Variants in ATP8A2 observed in about 807,000 individuals in gnomAD.
The protein encoded by ATP8A2 is ATPase phospholipid transporting 8A2, also known as phospholipid-transporting ATPase IB.
ATP8A2 carries 100 observed loss-of-function variants against 165.6 expected under a neutral mutation model. The ratio of observed to expected loss-of-function variants is 0.60; its 90% confidence interval spans 0.51 to 0.71. The LOEUF (loss-of-function observed/expected upper bound fraction) is 0.71, where lower values mean the gene tolerates loss of function less well. Among genes scored for constraint, ATP8A2 ranks in the 30% least tolerant of loss-of-function variants. The pLI, the probability that ATP8A2 is intolerant of heterozygous loss-of-function variation, is 0.00. For missense variants in ATP8A2, 1,227 were observed against 1,479.5 expected, an observed-to-expected ratio of 0.83 and a Z score of 2.80; for synonymous variants, 543 against 548.8, an observed-to-expected ratio of 0.99 and a Z score of 0.15.
rs757647745 is a variant in ATP8A2, at chr13:25,860,249, T to C, written c.3011T>C (p.Val1004Ala). The change falls in exon 31 of 37, where the codon GTT (valine) becomes GCT (alanine). Residue 1004 changes from valine (V) to alanine (A), a missense_variant. Around this residue, in one of 5 missense-constraint regions of ATP8A2, gnomAD observed 260 missense variants for 245.1 expected, o/e 1.06. Coordinates refer to ENST00000381655, the MANE Select transcript of ATP8A2 (RefSeq NM_016529.6). Reference protein sequence around the residue: ...ATDYLFVGNIVYTYVVVTVCL... With the variant: ...ATDYLFVGNIAYTYVVVTVCL... ...GACTATTTATTTGTTGGAAATATTGTTTACACAGTAAGTTTATCTCTGTTT... is the reference window on the plus strand; with the variant it reads ...GACTATTTATTTGTTGGAAATATTGCTTACACAGTAAGTTTATCTCTGTTT... The C allele has an allele frequency of 6.2e-7, 1 of 1,608,076 alleles. No individual in the cohort carries two copies. The highest frequency in any genetic ancestry group is 2.2e-5 in the East Asian group (1 of 44,810).
intron 30 of ATP8A2, among the ~76,000 whole-genome samples, chr13:25,854,431 G>A (rs1303871564): frequency 4.6e-5 from 7 of 152,098 alleles, no homozygotes; most frequent in Admixed American, 4.6e-4. Context: ...AACTTCCTGG[G>A]CTTAAGGAAT....
At chr13:25,719,716 A>G (rs554042225) in intron 25 of ATP8A2, among the ~76,000 whole-genome samples, 1 of 152,368 alleles carries the variant, frequency 6.6e-6, no homozygotes, top group East Asian at 1.9e-4. Context: ...GGTTCTGAAA[A>G]TGACTAGCCT....
intron 28 of ATP8A2, among the ~76,000 whole-genome samples, chr13:25,835,874 G>A (rs1236155793): frequency 2.6e-5 from 4 of 152,210 alleles, no homozygotes; most frequent in African/African-American, 4.8e-5. Flanking sequence ...AAAGTTCCTC[G>A]TCCTTTAAAT....
At chr13:25,777,092 C>T (rs375013592) in intron 27 of ATP8A2, among the ~76,000 whole-genome samples, 1 of 152,078 alleles carries the variant, frequency 6.6e-6, no homozygotes, top group Non-Finnish European at 1.5e-5. Context: ...TAATATATTT[C>T]AATTGTAGCT....
chr13:26,025,260 C>CCCG lies in ATP8A2; in HGVS notation c.*5278_*5280dup, dbSNP rs1957148067. On this transcript the variant is annotated 3_prime_UTR_variant, in exon 37 of 37. Coordinates refer to ENST00000381655, the MANE Select transcript of ATP8A2 (RefSeq NM_016529.6). ...AGTACTGAAACTCCTACTCTCCCCT[C>CCCG]CCGCCCCACTCTCCCCCGTTGCCCG... 1 of 152,232 alleles carries CCCG rather than the reference C, an allele frequency of 6.6e-6. No individual in the cohort carries two copies. Among genetic ancestry groups the CCCG allele is most frequent in the Admixed American group, 6.5e-5 (1 of 15,280 alleles). The allele number at this position is 152,232 out of a possible 1,614,324, so 9.4% of individuals were successfully genotyped here.
At chr13:25,832,843 AAAG>A (rs1951513311) in intron 28 of ATP8A2, among the ~76,000 whole-genome samples, 1 of 152,238 alleles carries the variant, frequency 6.6e-6, no homozygotes, top group Non-Finnish European at 1.5e-5. Flanking sequence ...CGGCAACTGC[AAAG>A]AAGATTACAA....
intron 1 of ATP8A2, among the ~76,000 whole-genome samples, chr13:25,465,711 C>CTTTCTTTCTT (rs1555274893): frequency 4.7e-5 from 1 of 21,380 alleles, no homozygotes; most frequent in Non-Finnish European, 1.0e-4. Flanking sequence ...TTCTTTCTTT[C>CTTTCTTTCTT]TTTCTTTCTT....
chr13:25,477,174 C>T (rs1277742506), intron 2 of ATP8A2, among the ~76,000 whole-genome samples: 2 of 152,102 alleles, frequency 1.3e-5, no homozygotes, highest in African/African-American at 4.8e-5. Context: ...GATAATGGAG[C>T]CCAGTTTGAA....
At chr13:25,852,539 G>A (rs988757307) in intron 30 of ATP8A2, among the ~76,000 whole-genome samples, 2 of 152,040 alleles carry the variant, frequency 1.3e-5, no homozygotes, top group African/African-American at 4.8e-5. Context: ...GTTCTCTCCT[G>A]GATATTTCCT....
At chr13:25,643,649 T>G (rs941770924) in intron 24 of ATP8A2, among the ~76,000 whole-genome samples, 62 of 152,162 alleles carry the variant, frequency 4.1e-4, no homozygotes, top group African/African-American at 7.2e-5. Flanking sequence ...CATGTTGTTT[T>G]AATTACTATC....
At chr13:25,602,946 C>G (rs1456416193) in intron 24 of ATP8A2, among the ~76,000 whole-genome samples, 2 of 151,994 alleles carry the variant, frequency 1.3e-5, no homozygotes, top group African/African-American at 4.8e-5. Flanking sequence ...GGGGGGTGTG[C>G]CTGTAGTCCC....
Position 25,563,956 on chromosome 13 carries a change from T to C in ATP8A2, c.1398T>C (p.Cys466=). Residue 466 remains cysteine, a splice_region_variant and synonymous_variant, in exon 16 of 37, where the codon TGT becomes TGC. Transcript: ENST00000381655. ...LAREPSSDDF[C]RMPPPCSDSC... is the part of the protein sequence containing the mutation. ...AAATTTTCTCTGTTCTCTCTTACAG[T>C]CGGATGCCTCCTCCCTGTAGTGATT... is the stretch of plus-strand genomic sequence containing the variant. 6.2e-7 allele frequency: 1 copy of C among 1,608,738 alleles called. No individual in the cohort carries two copies. Among genetic ancestry groups the C allele is most frequent in the Non-Finnish European group, 8.5e-7 (1 of 1,175,084 alleles).
At chr13:25,719,501 G>A (rs2043327863) in intron 25 of ATP8A2, among the ~76,000 whole-genome samples, 1 of 152,024 alleles carries the variant, frequency 6.6e-6, no homozygotes, top group Non-Finnish European at 1.5e-5. Context: ...ATGGATGATG[G>A]AGATAGATAA....
intron 25 of ATP8A2, among the ~76,000 whole-genome samples, chr13:25,745,162 C>G (rs1423070059): frequency 5.3e-5 from 8 of 152,222 alleles, no homozygotes; most frequent in African/African-American, 1.7e-4. Context: ...AGGCTAGTCT[C>G]AAACTCCTGA....
chr13:25,771,448 G>T (rs975378147), intron 26 of ATP8A2, among the ~76,000 whole-genome samples: 9 of 152,098 alleles, frequency 5.9e-5, no homozygotes, highest in Admixed American at 3.9e-4. Context: ...ATCTTAAGAG[G>T]TTTCCTAGGA....
At chr13:25,875,911 A>G (rs191834578) in intron 33 of ATP8A2, among the ~76,000 whole-genome samples, 2 of 152,322 alleles carry the variant, frequency 1.3e-5, no homozygotes, top group East Asian at 3.9e-4. Context: ...TAGTTTTATG[A>G]TAAGAGATTA....
At chr13:25,841,364 C>A (rs886955799) in intron 30 of ATP8A2, among the ~76,000 whole-genome samples, 1 of 152,192 alleles carries the variant, frequency 6.6e-6, no homozygotes, top group South Asian at 2.1e-4. Flanking sequence ...TTTATTATCA[C>A]CATCATCATC....
chr13:25,791,520 C>T (rs989629877), intron 27 of ATP8A2, among the ~76,000 whole-genome samples: 5 of 142,190 alleles, frequency 3.5e-5, no homozygotes, highest in East Asian at 2.1e-4. Context: ...CATGTATCCC[C>T]GAACTTAAAC....
rs562385412 is a variant in ATP8A2 at position 25,773,036 on chromosome 13, A to G, written c.2569-1813A>G. 6.6e-5 allele frequency among the ~76,000 whole-genome samples: 10 copies of G among 152,298 alleles called. No homozygotes were observed. In the East Asian group the frequency reaches 1.4e-3, roughly 21 times the overall value. ...TGGCCTCCCAAAGTGCTGGGATTAC[A>G]GGTGTGAGCCACTGTGCCCAGCTGA... On this transcript the variant is annotated intron_variant, in intron 26 of 36. Transcript: ENST00000381655.
Sources: gnomAD v4.1 joint callset for allele counts (sites outside exome capture counted in the v4.1 genomes callset) on GRCh38, gnomAD v4.1.1 for gene constraint, gnomAD v4.1.1 regional missense constraint, MANE v1.5 for transcripts, NCBI Gene and HGNC (gene_info 2026-07-23, HGNC 2026-07-21) for gene names.